COL5A2: variants seen among roughly 807,000 people sequenced by gnomAD.
The protein encoded by COL5A2 is collagen type V alpha 2 chain, also known as collagen alpha-2(V) chain.
A neutral mutation model predicts 208.2 loss-of-function variants in COL5A2; 23 were observed. That is an observed-to-expected ratio of 0.11 (90% CI 0.08 to 0.16). The LOEUF (loss-of-function observed/expected upper bound fraction) is 0.16. Among genes scored for constraint, COL5A2 ranks in the 10% least tolerant of loss-of-function variants. The probability of loss-of-function intolerance (pLI) is 1.00; values close to 1 mark genes in which losing one functional copy is unlikely to be tolerated. For missense variants in COL5A2, 1,590 were observed against 1,956.4 expected (o/e 0.81, Z 3.53); for synonymous variants, 625 against 628.5 (o/e 0.99, Z 0.08).
At chr2:189,215,514 A>T (rs1477231098) in intron 1 of COL5A2, among the ~76,000 whole-genome samples, 1 of 152,170 alleles carries the variant, frequency 6.6e-6, no homozygotes, top group African/African-American at 2.4e-5. Flanking sequence ...ATATTGGATT[A>T]AATAAAACAT....
upstream of COL5A2, among the ~76,000 whole-genome samples, chr2:189,227,728 G>A (rs73980191): frequency 0.032 from 4,936 of 151,900 alleles, 86 homozygotes; most frequent in Admixed American, 0.047. Flanking sequence ...ATTGACAGAA[G>A]TGAAGGAAGA....
At chr2:189,254,247 C>A in the COL5A2 span, among the ~76,000 whole-genome samples, 3 of 152,046 alleles carry the variant, frequency 2.0e-5, no homozygotes, top group Admixed American at 2.0e-4. Flanking sequence ...AACTTTTAAG[C>A]AAACGTCATG....
intron 41 of COL5A2, 126 bp from the exon 42 acceptor site, chr2:189,051,607 A>G: frequency 2.7e-6 from 2 of 747,374 alleles, no homozygotes; most frequent in Non-Finnish European, 2.0e-6. Flanking sequence ...CCTGTTAGAT[A>G]ATCAGTCATT....
At chr2:189,213,896 G>A (rs966997070) in intron 1 of COL5A2, among the ~76,000 whole-genome samples, 5 of 152,156 alleles carry the variant, frequency 3.3e-5, no homozygotes, top group Non-Finnish European at 4.4e-5. Flanking sequence ...GGATGTGTAC[G>A]TCTTGATCTG....
the COL5A2 span, among the ~76,000 whole-genome samples, chr2:189,289,505 A>G: frequency 3.7e-3 from 568 of 152,298 alleles, 5 homozygotes; most frequent in African/African-American, 0.013. Flanking sequence ...TACCATTTCT[A>G]TTCAACATAG....
At chr2:189,276,339 A>G in the COL5A2 span, among the ~76,000 whole-genome samples, 1 of 152,210 alleles carries the variant, frequency 6.6e-6, no homozygotes, top group African/African-American at 2.4e-5. Flanking sequence ...TATGTGTAAT[A>G]ACCACCACAT....
At chr2:189,194,883 T>A (rs1030608061) in intron 1 of COL5A2, among the ~76,000 whole-genome samples, 1 of 152,182 alleles carries the variant, frequency 6.6e-6, no homozygotes, top group African/African-American at 2.4e-5. Flanking sequence ...TGGTTCTGTT[T>A]ACATGATGGA....
intron 9 of COL5A2, among the ~76,000 whole-genome samples, chr2:189,086,491 C>G (rs531766262): frequency 6.6e-6 from 1 of 152,000 alleles, no homozygotes; most frequent in African/African-American, 2.4e-5. Context: ...ATTTTGTTAT[C>G]GAAGGTCAGT....
chr2:189,269,818 G>A, the COL5A2 span, among the ~76,000 whole-genome samples: 2 of 152,128 alleles, frequency 1.3e-5, no homozygotes, highest in African/African-American at 4.8e-5. Flanking sequence ...AATGGTACCA[G>A]CTCCTCTTTG....
the COL5A2 span, among the ~76,000 whole-genome samples, chr2:189,240,853 A>T: frequency 6.6e-6 from 1 of 152,224 alleles, no homozygotes; most frequent in Admixed American, 6.5e-5. Flanking sequence ...AGTGCAATCA[A>T]TAAAATCTAA....
intron 24 of COL5A2, 80 bp from the exon 25 acceptor site, chr2:189,064,735 C>T: frequency 9.6e-7 from 1 of 1,046,714 alleles, no homozygotes; most frequent in South Asian, 1.3e-5. Flanking sequence ...TATCGTTTTA[C>T]AAATCAAGGC....
At chr2:189,345,101 A>G in the COL5A2 span, among the ~76,000 whole-genome samples, 1 of 152,230 alleles carries the variant, frequency 6.6e-6, no homozygotes, top group Non-Finnish European at 1.5e-5. Flanking sequence ...TCAGTTAGTC[A>G]ATCACGACAG....
At chr2:189,416,678 T>C in the COL5A2 span, among the ~76,000 whole-genome samples, 1 of 152,232 alleles carries the variant, frequency 6.6e-6, no homozygotes, top group Non-Finnish European at 1.5e-5. Flanking sequence ...AACCTGCACG[T>C]TGTGCACATG....
chr2:189,133,943 G>GA (rs2105759358), intron 1 of COL5A2, among the ~76,000 whole-genome samples: 1 of 152,154 alleles, frequency 6.6e-6, no homozygotes, highest in African/African-American at 2.4e-5. Flanking sequence ...CCCTCTGCTT[G>GA]AAAATGACCA....
At position 189,066,459 on chromosome 2, in the gene COL5A2, A is replaced by G; in HGVS notation, c.1494T>C (p.Gly498=). Residue 498 remains glycine, a synonymous_variant, in exon 23 of 54, where the codon GGT becomes GGC. Transcript: ENST00000374866. ...HGIQGPIGPP[G]EEGKRGPRGD... is the part of the protein sequence containing the mutation. ...CTCTGGGACCTCTTTTGCCTTCTTC[A>G]CCGGGTGGGCCTATCGGACCCTGAA... is the stretch of plus-strand genomic sequence containing the variant. 6.2e-7 allele frequency: 1 copy of G among 1,614,182 alleles called. No individual in the cohort carries two copies. Among genetic ancestry groups the G allele is most frequent in the Non-Finnish European group, 8.5e-7 (1 of 1,180,034 alleles).
chr2:189,107,197 T>C (rs992708471), intron 2 of COL5A2, among the ~76,000 whole-genome samples: 2 of 151,598 alleles, frequency 1.3e-5, no homozygotes, highest in Non-Finnish European at 3.0e-5. Flanking sequence ...TGAAAACACC[T>C]GGACTTGCTG....
chr2:189,386,454 T>G, the COL5A2 span, among the ~76,000 whole-genome samples: 1 of 151,976 alleles, frequency 6.6e-6, no homozygotes, highest in African/African-American at 2.4e-5. Context: ...CAAAAGCAAC[T>G]GCAACAAAAA....
the COL5A2 span, among the ~76,000 whole-genome samples, chr2:189,248,026 C>T: frequency 1.3e-5 from 2 of 152,150 alleles, no homozygotes; most frequent in Non-Finnish European, 2.9e-5. Context: ...AAAATTGTTA[C>T]TAATTCACAT....
chr2:189,068,569 T>C (rs1265204708), intron 19 of COL5A2, among the ~76,000 whole-genome samples: 2 of 152,148 alleles, frequency 1.3e-5, no homozygotes, highest in African/African-American at 2.4e-5. Flanking sequence ...CTTAAAATGT[T>C]CCCAACACAT....
Sources: allele counts gnomAD v4.1 joint callset (sites outside exome capture counted in the v4.1 genomes callset), GRCh38; gene constraint gnomAD v4.1.1; transcripts MANE v1.5; gene names NCBI Gene and HGNC (gene_info 2026-07-23, HGNC 2026-07-21).